Variants in ARFGEF2 observed in about 807,000 individuals in gnomAD.
The protein encoded by ARFGEF2 is ARF guanine nucleotide exchange factor 2, also known as brefeldin A-inhibited guanine nucleotide-exchange protein 2.
ARFGEF2 carries 74 observed loss-of-function variants against 219.9 expected under a neutral mutation model. The observed-to-expected ratio is 0.34, with a 90% CI of 0.28 to 0.41. ARFGEF2 has a LOEUF of 0.41. Among genes scored for constraint, ARFGEF2 ranks in the 10% least tolerant of loss-of-function variants. The probability of loss-of-function intolerance (pLI) is 1.00; values close to 1 mark genes in which losing one functional copy is unlikely to be tolerated. For missense variants in ARFGEF2, 1,743 were observed against 2,218.3 expected (o/e 0.79, Z 4.30); for synonymous variants, 733 against 799.2 (o/e 0.92, Z 1.40).
chr20:48,998,141 T>G, intron 23 of ARFGEF2, 52 bp from the exon 24 acceptor site: 48 of 1,574,438 alleles, frequency 3.0e-5, no homozygotes, highest in Non-Finnish European at 3.7e-5. Context: ...ATTACAGGTG[T>G]GAGCCACCAC....
chr20:48,945,687 C>A (rs780371001), intron 3 of ARFGEF2, among the ~76,000 whole-genome samples: 1 of 152,160 alleles, frequency 6.6e-6, no homozygotes, highest in African/African-American at 2.4e-5. Flanking sequence ...GAGACCCCAT[C>A]TCTACAAAGT....
chr20:49,023,006 A>G (rs201824582), intron 34 of ARFGEF2, 45 bp from the exon 35 acceptor site: 30 of 1,612,722 alleles, frequency 1.9e-5, no homozygotes, highest in East Asian at 1.1e-4. Flanking sequence ...TTTCTTCAGT[A>G]TTGGCTGAAT....
chr20:48,976,931 T>TA (rs1250915990), intron 14 of ARFGEF2, among the ~76,000 whole-genome samples: 1 of 148,728 alleles, frequency 6.7e-6, no homozygotes, highest in East Asian at 2.0e-4. Flanking sequence ...TTTATTTTTT[T>TA]AGGCATTTTA....
At chr20:48,948,350 G>A (rs80265026) in intron 3 of ARFGEF2, among the ~76,000 whole-genome samples, 2,664 of 152,084 alleles carry the variant, frequency 0.018, 35 homozygotes, top group Non-Finnish European at 0.028. Flanking sequence ...GGCATATGAC[G>A]TGTCATGCCA....
Position 49,036,341 on chromosome 20 carries a change from A to G in ARFGEF2, c.*3142A>G. 3 of 398,038 alleles carry G rather than the reference A, an allele frequency of 7.5e-6. No individual in the cohort carries two copies. The highest frequency in any genetic ancestry group is 1.3e-5 in the Non-Finnish European group (3 of 225,840). 24.7% of individuals were successfully genotyped at this position (398,038 alleles called of 1,614,324 possible). ...AAATCCTTGCTCTCAAAACAAAACA[A>G]TATAATCTATCAAAGGTGTTTTACT... On this transcript the variant is annotated 3_prime_UTR_variant, in exon 39 of 39. Transcript: ENST00000371917.
At chr20:49,030,304 T>G (rs1196285409) in intron 37 of ARFGEF2, among the ~76,000 whole-genome samples, 4 of 152,112 alleles carry the variant, frequency 2.6e-5, no homozygotes, top group Admixed American at 6.6e-5. Context: ...TGTTTTTACT[T>G]GGAATTTTCA....
At chr20:48,923,442 C>T (rs997200694) in intron 1 of ARFGEF2, among the ~76,000 whole-genome samples, 3 of 152,108 alleles carry the variant, frequency 2.0e-5, no homozygotes, top group African/African-American at 7.2e-5. Context: ...CCTGAGACTC[C>T]CTCAGGGGCC....
chr20:49,014,970 C>A (rs1400891871), intron 30 of ARFGEF2, among the ~76,000 whole-genome samples: 1 of 152,188 alleles, frequency 6.6e-6, no homozygotes, highest in Admixed American at 6.5e-5. Flanking sequence ...TGTGTCCACC[C>A]ACACATGCAT....
In ARFGEF2 at chr20:49,013,654, T is replaced by C. The variant is rs367961999; in HGVS notation, c.4009T>C (p.Ser1337Pro). The C allele has an allele frequency of 1.9e-6, 3 of 1,614,022 alleles. No individual in the cohort carries two copies. Among genetic ancestry groups the C allele is most frequent in the Non-Finnish European group, 2.5e-6 (3 of 1,180,028 alleles). Residue 1337 changes from serine (S) to proline (P), a missense_variant, in exon 29 of 39, where the codon TCC (serine) becomes CCC (proline). Physicochemically the swap from Ser to Pro is moderately conservative, Grantham distance 74. This residue lies in a region of ARFGEF2 where 578 missense variants were observed against 664.0 expected (regional missense o/e 0.87). Transcript: ENST00000371917. Reference sequence around the variant, plus strand: ...CTGGTTCCCCATCTTATTCGAACTCTCCTGCATCATTAATAGATGCAAGTT... The same window carrying C: ...CTGGTTCCCCATCTTATTCGAACTCCCCTGCATCATTAATAGATGCAAGTT... The part of the protein sequence containing the change: ...RGWFPILFEL[S>P]CIINRCKLDV...
chr20:48,946,477 T>TTATATATATA (rs35152962), intron 3 of ARFGEF2, among the ~76,000 whole-genome samples: 1 of 145,180 alleles, frequency 6.9e-6, no homozygotes, highest in East Asian at 2.0e-4. Context: ...CATATCAATT[T>TTATATATATA]TATATATATA....
intron 3 of ARFGEF2, among the ~76,000 whole-genome samples, chr20:48,948,053 C>G (rs2123336874): frequency 6.6e-6 from 1 of 152,222 alleles, no homozygotes; most frequent in South Asian, 2.1e-4. Flanking sequence ...TTCCAGAAAA[C>G]TTTTGATTTT....
intron 1 of ARFGEF2, 110 bp downstream of exon 1, chr20:48,922,120 G>A: frequency 6.9e-7 from 1 of 1,458,194 alleles, no homozygotes. Flanking sequence ...CCCCGATCCC[G>A]AATTCCACCC....
rs147401901 is a variant in ARFGEF2 at position 49,013,238 on chromosome 20, A to G, written c.3919-326A>G. ...GTAACATTCCAGAAAGACCTAAGAT[A>G]ATGATACATCCTGGATATTTTGTCA... On this transcript the variant is annotated intron_variant, in intron 28 of 38. Transcript: ENST00000371917. Among the ~76,000 whole-genome samples, 20 of 152,322 alleles carry G rather than the reference A, an allele frequency of 1.3e-4. No homozygotes were observed. The East Asian group carries it at 3.7e-3, about 28-fold the overall frequency.
rs956799270 is a variant in ARFGEF2, at chr20:48,921,792, C to G, written c.-98C>G. The G allele has an allele frequency of 8.6e-7, 1 of 1,166,858 alleles. No individual in the cohort carries two copies. Among genetic ancestry groups the G allele is most frequent in the African/African-American group, 1.6e-5 (1 of 60,966 alleles). 72.3% of individuals were successfully genotyped at this position (1,166,858 alleles called of 1,614,324 possible). A position where few individuals can be genotyped will look rare whatever the true frequency, so the allele number is the denominator to read the frequency against. Reference sequence around the variant, plus strand: ...CCTGACGGGGCGGCGCGGACGGACGCGGCCGGTGCCGGCCGGGACGCCGGG... The same window carrying G: ...CCTGACGGGGCGGCGCGGACGGACGGGGCCGGTGCCGGCCGGGACGCCGGG... On this transcript the variant is annotated 5_prime_UTR_variant, in exon 1 of 39. Transcript: ENST00000371917.
intron 17 of ARFGEF2, 24 bp downstream of exon 17, chr20:48,988,412 T>A: frequency 6.2e-7 from 1 of 1,611,852 alleles, no homozygotes; most frequent in Non-Finnish European, 8.5e-7. Context: ...ATGATTTACA[T>A]GTTGTATTAG....
rs1049804542 is a variant in ARFGEF2, at chr20:49,033,497, C to T, written c.*298C>T. The stretch of plus-strand genomic sequence containing the variant: ...CATTGCATATGCCATCGTTTTCTAG[C>T]AAAATCCCATGATTGGCTATAAACG... On this transcript the variant is annotated 3_prime_UTR_variant, in exon 39 of 39. Transcript: ENST00000371917. The T allele has an allele frequency of 9.0e-5, 34 of 378,872 alleles. No individual in the cohort carries two copies. Among genetic ancestry groups the T allele is most frequent in the African/African-American group, 6.6e-4 (33 of 49,686 alleles). The allele number at this position is 378,872 out of a possible 1,614,324, so 23.5% of individuals were successfully genotyped here.
intron 1 of ARFGEF2, among the ~76,000 whole-genome samples, chr20:48,936,203 C>G (rs2090954261): frequency 7.6e-6 from 1 of 131,120 alleles, no homozygotes; most frequent in Non-Finnish European, 1.6e-5. Context: ...GGCGGCCGGG[C>G]AGAGGCGCCC....
chr20:48,984,949 C>T, intron 15 of ARFGEF2, 109 bp downstream of exon 15: 1 of 1,570,072 alleles, frequency 6.4e-7, no homozygotes, highest in Non-Finnish European at 8.6e-7. Context: ...GTCTGTTGTC[C>T]ACCCCCGGGT....
At chr20:48,936,607 C>G (rs866539299) in intron 1 of ARFGEF2, among the ~76,000 whole-genome samples, 1 of 152,182 alleles carries the variant, frequency 6.6e-6, no homozygotes, top group Admixed American at 6.5e-5. Context: ...TCACTGCGCC[C>G]TTTGCCTCCA....
Sources: gnomAD v4.1 joint callset for allele counts (sites outside exome capture counted in the v4.1 genomes callset) on GRCh38, gnomAD v4.1.1 for gene constraint, gnomAD v4.1.1 regional missense constraint, MANE v1.5 for transcripts, NCBI Gene and HGNC (gene_info 2026-07-23, HGNC 2026-07-21) for gene names.